FRMD5: variants seen among roughly 807,000 people sequenced by gnomAD.
FRMD5 encodes FERM domain-containing protein 5.
A neutral mutation model predicts 69.0 loss-of-function variants in FRMD5; 20 were observed. The observed-to-expected ratio is 0.29, with a 90% CI of 0.20 to 0.42. FRMD5 has a LOEUF of 0.42. Ranked by LOEUF, FRMD5 falls within the 10% of genes least tolerant of loss-of-function variation. The probability of loss-of-function intolerance (pLI) is 1.00; values close to 1 mark genes in which losing one functional copy is unlikely to be tolerated. For synonymous variants in FRMD5, 271 were observed against 260.1 expected, an observed-to-expected ratio of 1.04 and a Z score of -0.40; for missense variants, 595 against 708.6, an observed-to-expected ratio of 0.84 and a Z score of 1.82.
chr15:44,194,693 C>T (rs1475598599), intron 1 of FRMD5: 1 of 527,464 alleles, frequency 1.9e-6, no homozygotes, highest in East Asian at 3.7e-5. Flanking sequence ...GCGCCCTCAC[C>T]CAGGGAGAGC....
chr15:43,911,990 A>C (rs907279953), intron 4 of FRMD5, among the ~76,000 whole-genome samples: 1 of 152,186 alleles, frequency 6.6e-6, no homozygotes, highest in Non-Finnish European at 1.5e-5. Flanking sequence ...TTCTCTCCTC[A>C]GCGCTTGCTA....
chr15:43,989,702 T>G, intron 1 of FRMD5: 1 of 997,014 alleles, frequency 1.0e-6, no homozygotes, highest in East Asian at 2.6e-5. Context: ...GGGCACAGTG[T>G]GGGTGACCCC....
intron 1 of FRMD5, among the ~76,000 whole-genome samples, chr15:44,138,232 A>C (rs973294022): frequency 6.6e-6 from 1 of 152,208 alleles, no homozygotes; most frequent in Non-Finnish European, 1.5e-5. Flanking sequence ...GAAAATAATA[A>C]AACAATCTGA....
intron 4 of FRMD5, among the ~76,000 whole-genome samples, chr15:43,918,208 G>A (rs1172189312): frequency 1.3e-5 from 2 of 152,080 alleles, no homozygotes; most frequent in African/African-American, 2.4e-5. Context: ...GGCGGGTCAC[G>A]AGCTCAGGAG....
At chr15:44,093,814 C>T (rs1460202039) in intron 1 of FRMD5, among the ~76,000 whole-genome samples, 1 of 151,898 alleles carries the variant, frequency 6.6e-6, no homozygotes, top group Non-Finnish European at 1.5e-5. Flanking sequence ...TGTTGTGATC[C>T]GCCTGTCTCG....
chr15:44,045,528 A>G (rs1319119675), intron 1 of FRMD5, among the ~76,000 whole-genome samples: 1 of 152,232 alleles, frequency 6.6e-6, no homozygotes, highest in Non-Finnish European at 1.5e-5. Flanking sequence ...GGAAAAGTTT[A>G]CTATGCCTAT....
intron 1 of FRMD5, among the ~76,000 whole-genome samples, chr15:44,187,946 C>G (rs149010945): frequency 4.6e-5 from 7 of 152,086 alleles, no homozygotes; most frequent in Non-Finnish European, 1.0e-4. Flanking sequence ...GGAATCCCTC[C>G]CCATTTCCCA....
intron 1 of FRMD5, among the ~76,000 whole-genome samples, chr15:44,173,012 A>G (rs2077830960): frequency 6.6e-6 from 1 of 152,206 alleles, no homozygotes; most frequent in South Asian, 2.1e-4. Context: ...CAACACATGA[A>G]ATCGCTTGTC....
chr15:44,063,599 T>C (rs1220224052), intron 1 of FRMD5: 6 of 525,472 alleles, frequency 1.1e-5, no homozygotes, highest in Non-Finnish European at 1.9e-5. Context: ...AAAGTGGATA[T>C]TGTTGCCATC....
At chr15:44,096,496 G>A (rs1173250731) in intron 1 of FRMD5, among the ~76,000 whole-genome samples, 3 of 150,860 alleles carry the variant, frequency 2.0e-5, no homozygotes, top group Admixed American at 6.6e-5. Context: ...TCCGCCTCCT[G>A]GGTTCAAGTA....
At chr15:44,008,719 T>G (rs1890574265) in intron 1 of FRMD5, among the ~76,000 whole-genome samples, 2 of 152,020 alleles carry the variant, frequency 1.3e-5, no homozygotes, top group African/African-American at 2.4e-5. Flanking sequence ...ACTTGTAGAG[T>G]TCCTCCATTA....
chr15:43,894,801 G>C (rs577695794), intron 7 of FRMD5, among the ~76,000 whole-genome samples: 2 of 152,306 alleles, frequency 1.3e-5, no homozygotes, highest in East Asian at 3.9e-4. Context: ...AACCGCTCGG[G>C]TCCAGGTCCA....
rs181320796 is a variant in FRMD5 at position 44,050,072 on chromosome 15, T to C, written c.103-125763A>G. 7.2e-4 allele frequency among the ~76,000 whole-genome samples: 110 copies of C among 152,296 alleles called. No individual in the cohort carries two copies. In the East Asian group the frequency reaches 0.021, roughly 29 times the overall value. On this transcript the variant is annotated intron_variant, in intron 1 of 13. Coordinates refer to ENST00000417257, the MANE Select transcript of FRMD5 (RefSeq NM_032892.5). ...AATTTTAGTTTAGTGAATAAACTTTTTAAAAAAATCAAATTTAGGAACACC... is the reference window on the plus strand; with the variant it reads ...AATTTTAGTTTAGTGAATAAACTTTCTAAAAAAATCAAATTTAGGAACACC...
At chr15:43,931,256 G>A (rs1413713897) in intron 1 of FRMD5, among the ~76,000 whole-genome samples, 1 of 152,176 alleles carries the variant, frequency 6.6e-6, no homozygotes, top group Non-Finnish European at 1.5e-5. Context: ...AACCAGTGCT[G>A]AATATCTCAG....
chr15:43,979,953 G>C (rs1237634891), intron 1 of FRMD5, among the ~76,000 whole-genome samples: 1 of 152,186 alleles, frequency 6.6e-6, no homozygotes, highest in African/African-American at 2.4e-5. Context: ...TTGGAGAACA[G>C]AGTATTTAAG....
chr15:43,933,251 A>G (rs1425921724), intron 1 of FRMD5, among the ~76,000 whole-genome samples: 1 of 152,122 alleles, frequency 6.6e-6, no homozygotes, highest in African/African-American at 2.4e-5. Context: ...AGAAGAGGAG[A>G]AGGAGGCAAG....
At position 43,873,022 on chromosome 15, in the gene FRMD5, T is replaced by A; in HGVS notation, c.*863A>T. On this transcript the variant is annotated 3_prime_UTR_variant, in exon 14 of 14. Coordinates refer to ENST00000417257, the MANE Select transcript of FRMD5 (RefSeq NM_032892.5). ...CCAACATTTCTGACAGAACTATCTA[T>A]CTCTGGTACCACTGAATTCGTTTAA... The A allele has an allele frequency of 1.5e-6, 1 of 651,228 alleles. No individual in the cohort carries two copies. Among genetic ancestry groups the A allele is most frequent in the Non-Finnish European group, 2.6e-6 (1 of 378,440 alleles). 40.3% of individuals were successfully genotyped at this position (651,228 alleles called of 1,614,324 possible). A position where few individuals can be genotyped will look rare whatever the true frequency, so the allele number is the denominator to read the frequency against.
At position 44,018,419 on chromosome 15, in the gene FRMD5, G is replaced by C. The variant is rs145803966; in HGVS notation, c.103-94110C>G. ...AATGGCTGTCTGCATAAAGTGATGAGAAAAATTTGATTAAGTTTGGGCATG... is the reference window on the plus strand; with the variant it reads ...AATGGCTGTCTGCATAAAGTGATGACAAAAATTTGATTAAGTTTGGGCATG... On this transcript the variant is annotated intron_variant, in intron 1 of 13. Coordinates refer to ENST00000417257, the MANE Select transcript of FRMD5 (RefSeq NM_032892.5). 2.9e-3 allele frequency among the ~76,000 whole-genome samples: 445 copies of C among 152,272 alleles called. 2 individuals are homozygous for C. Among genetic ancestry groups the C allele is most frequent in the African/African-American group, 0.01 (423 of 41,572 alleles).
chr15:44,085,274 G>A (rs888739797), intron 1 of FRMD5, among the ~76,000 whole-genome samples: 7 of 152,088 alleles, frequency 4.6e-5, no homozygotes, highest in Non-Finnish European at 1.0e-4. Context: ...ACTCCTATTT[G>A]AGAAGCAAAG....
Sources: allele counts gnomAD v4.1 joint callset (sites outside exome capture counted in the v4.1 genomes callset), GRCh38; gene constraint gnomAD v4.1.1; transcripts MANE v1.5; gene names NCBI Gene and HGNC (gene_info 2026-07-23, HGNC 2026-07-21).